ASIC2: variants seen among roughly 807,000 people sequenced by gnomAD.
ASIC2 encodes acid-sensing ion channel 2.
A neutral mutation model predicts 57.3 loss-of-function variants in ASIC2; 25 were observed. The ratio of observed to expected loss-of-function variants is 0.44; its 90% confidence interval spans 0.32 to 0.61. The LOEUF (loss-of-function observed/expected upper bound fraction) is 0.61. ASIC2 is among the 20% of genes least tolerant of loss of function. The pLI, the probability that ASIC2 is intolerant of heterozygous loss-of-function variation, is 0.06. For synonymous variants in ASIC2, 319 were observed against 307.5 expected (o/e 1.04, Z -0.39); for missense variants, 641 against 738.1 (o/e 0.87, Z 1.52).
chr17:33,707,801 GC>G (rs1186788449), intron 1 of ASIC2, among the ~76,000 whole-genome samples: 2 of 152,186 alleles, frequency 1.3e-5, no homozygotes, highest in Non-Finnish European at 2.9e-5. Flanking sequence ...AGCTTCATGG[GC>G]ATGCACCTGA....
intron 1 of ASIC2, among the ~76,000 whole-genome samples, chr17:33,619,103 A>T (rs1000311770): frequency 6.6e-5 from 10 of 152,200 alleles, no homozygotes; most frequent in African/African-American, 1.9e-4. Context: ...AAAGTATTAG[A>T]ACAAAATATG....
chr17:34,147,152 A>G lies in ASIC2; in HGVS notation c.555+8826T>C, dbSNP rs1912442882. ...TCAGCAACAGATGTAGGATCAGAAA[A>G]CAAATGTTTAATATGTTCTGTTGCA... On this transcript the variant is annotated intron_variant, in intron 1 of 9. Transcript: ENST00000359872. The G allele has an allele frequency of 2.6e-5, 4 of 152,226 alleles. No homozygotes were observed. The South Asian group carries it at 8.3e-4, about 31-fold the overall frequency. 9.4% of individuals were successfully genotyped at this position (152,226 alleles called of 1,614,324 possible). A position where few individuals can be genotyped will look rare whatever the true frequency, so the allele number is the denominator to read the frequency against.
rs1211673507 is a variant in ASIC2, at chr17:33,464,482, CTCTTTCTTTCTT to C, written c.556-352427_556-352416del. On this transcript the variant is annotated intron_variant, in intron 1 of 9. Coordinates refer to the ASIC2 transcript ENST00000359872. ...CTCTTTCTTTCTTTCTTTCTTTTCTCTCTTTCTTTCTTTCTTTCTTTCTTTCTTTCTTTCTTT... is the reference window on the plus strand; with the variant it reads ...CTCTTTCTTTCTTTCTTTCTTTTCTCTCTTTCTTTCTTTCTTTCTTTCTTT... Among the ~76,000 whole-genome samples the C allele has an allele frequency of 7.9e-5, 5 of 63,638 alleles. No individual in the cohort carries two copies. In the East Asian group the frequency reaches 1.2e-3, roughly 15 times the overall value. The allele number at this position is 63,638 out of a possible 152,430, so 41.7% of individuals were successfully genotyped here.
chr17:33,622,911 G>T (rs1905845443), intron 1 of ASIC2, among the ~76,000 whole-genome samples: 1 of 152,162 alleles, frequency 6.6e-6, no homozygotes. Context: ...TGAGAAGCAG[G>T]ATTTTCTTTC....
Position 33,590,955 on chromosome 17 carries a change from G to A in ASIC2, c.556-478888C>T, listed in dbSNP as rs897199564. 2.6e-5 allele frequency among the ~76,000 whole-genome samples: 4 copies of A among 152,186 alleles called. No homozygotes were observed. The South Asian group carries it at 6.2e-4, about 24-fold the overall frequency. On this transcript the variant is annotated intron_variant, in intron 1 of 9. Coordinates refer to the ASIC2 transcript ENST00000359872. ...GCTGTGTGTGTTTGGCACATTGCTA[G>A]GGTCTGTGGGGGTAGAGAAGCCCAA... is the stretch of plus-strand genomic sequence containing the variant.
chr17:33,799,828 A>G (rs1912079259), intron 1 of ASIC2, among the ~76,000 whole-genome samples: 1 of 152,114 alleles, frequency 6.6e-6, no homozygotes, highest in Admixed American at 6.5e-5. Flanking sequence ...TGATAATGTG[A>G]ATGGTGCTCC....
intron 1 of ASIC2, among the ~76,000 whole-genome samples, chr17:33,707,098 C>A (rs1486407053): frequency 6.6e-6 from 1 of 152,176 alleles, no homozygotes; most frequent in Non-Finnish European, 1.5e-5. Context: ...TGTCTCCTAG[C>A]TTCTGATAGT....
At chr17:33,510,873 A>G (rs985706663) in intron 1 of ASIC2, among the ~76,000 whole-genome samples, 1 of 152,068 alleles carries the variant, frequency 6.6e-6, no homozygotes, top group Non-Finnish European at 1.5e-5. Flanking sequence ...GTAGACATGA[A>G]CATGTCACCC....
intron 1 of ASIC2, among the ~76,000 whole-genome samples, chr17:33,271,540 C>T (rs1355627298): frequency 6.6e-6 from 1 of 152,198 alleles, no homozygotes; most frequent in Admixed American, 6.5e-5. Flanking sequence ...CCAGGATCAG[C>T]CCAACAGCTC....
intron 1 of ASIC2, among the ~76,000 whole-genome samples, chr17:34,120,742 T>TC (rs1911593724): frequency 8.0e-6 from 1 of 124,712 alleles, no homozygotes; most frequent in African/African-American, 3.7e-5. Flanking sequence ...TTTTTTTCTT[T>TC]TTTTTTTTTT....
At position 33,111,942 on chromosome 17, in the gene ASIC2, C is replaced by T. The variant is rs1567749028; in HGVS notation, c.834G>A (p.Glu278=). The T allele has an allele frequency of 1.2e-6, 2 of 1,613,790 alleles. No homozygotes were observed. Among genetic ancestry groups the T allele is most frequent in the Non-Finnish European group, 1.7e-6 (2 of 1,179,798 alleles). Residue 278 remains glutamate (E), a synonymous_variant, in exon 2 of 10, where the codon GAG becomes GAA. Coordinates refer to ENST00000225823, the MANE Select transcript of ASIC2 (RefSeq NM_183377.2). ...LEIMLDIQQD[E]YLPIWGETEE... is the part of the protein sequence containing the mutation. ...CTGTCTCTCCCCAGATGGGCAGGTA[C>T]TCATCCTGCTGAATGTCCAGCATGA...
rs559197903 is a variant in ASIC2 at position 34,083,128 on chromosome 17, C to T, written c.555+72850G>A. 4.0e-5 allele frequency among the ~76,000 whole-genome samples: 6 copies of T among 150,706 alleles called. No homozygotes were observed. In the East Asian group the frequency reaches 1.2e-3, roughly 30 times the overall value. On this transcript the variant is annotated intron_variant, in intron 1 of 9. Transcript: ENST00000359872. The stretch of plus-strand genomic sequence containing the variant: ...TGCTGCTGCACTGCACCCACTAACT[C>T]GTCATCTAGCATTAGGTATATCTCC...
chr17:33,830,901 A>G (rs1471672464), intron 1 of ASIC2, among the ~76,000 whole-genome samples: 1 of 152,032 alleles, frequency 6.6e-6, no homozygotes, highest in East Asian at 1.9e-4. Flanking sequence ...ATCTGAGGTC[A>G]GGAGTTTGAG....
intron 2 of ASIC2, among the ~76,000 whole-genome samples, chr17:33,108,186 A>T (rs2092242719): frequency 6.6e-6 from 1 of 152,100 alleles, no homozygotes; most frequent in African/African-American, 2.4e-5. Flanking sequence ...AAGAGCTGGG[A>T]TGGGGTCTTG....
At chr17:33,737,019 C>T (rs1909935074) in intron 1 of ASIC2, among the ~76,000 whole-genome samples, 1 of 152,254 alleles carries the variant, frequency 6.6e-6, no homozygotes, top group Non-Finnish European at 1.5e-5. Flanking sequence ...GTAACACTGT[C>T]TTTTTAGTGC....
chr17:33,461,605 C>A (rs1912638228), intron 1 of ASIC2, among the ~76,000 whole-genome samples: 1 of 152,162 alleles, frequency 6.6e-6, no homozygotes, highest in Non-Finnish European at 1.5e-5. Context: ...AACAAGTCAT[C>A]ATAGCATCAA....
At chr17:33,739,938 A>G (rs980046784) in intron 1 of ASIC2, among the ~76,000 whole-genome samples, 16 of 143,456 alleles carry the variant, frequency 1.1e-4, no homozygotes, top group Non-Finnish European at 2.5e-4. Context: ...GAAAAAAGAG[A>G]AAGAAAGAAA....
intron 1 of ASIC2, among the ~76,000 whole-genome samples, chr17:33,302,268 AT>A (rs1905990562): frequency 6.6e-6 from 1 of 152,228 alleles, no homozygotes; most frequent in African/African-American, 2.4e-5. Context: ...GTTAAGCGTA[AT>A]AACCTTCTCC....
chr17:34,069,234 C>A (rs1316272700), intron 1 of ASIC2: 1 of 142,652 alleles, frequency 7.0e-6, no homozygotes, highest in Non-Finnish European at 1.5e-5. Context: ...CTCCTTTCTT[C>A]CCTCCTTCCC....
Sources: gnomAD v4.1 joint callset for allele counts (sites outside exome capture counted in the v4.1 genomes callset) on GRCh38, gnomAD v4.1.1 for gene constraint, MANE v1.5 for transcripts, NCBI Gene and HGNC (gene_info 2026-07-23, HGNC 2026-07-21) for gene names.